The following XG variants were observed in gnomAD, a reference collection of about 807,000 sequenced individuals.
The protein encoded by XG is glycoprotein Xg.
Under a neutral mutation model 25.7 loss-of-function variants are expected in XG, and 24 were observed. The ratio of observed to expected loss-of-function variants is 0.93; its 90% CI spans 0.68 to 1.31. The LOEUF (loss-of-function observed/expected upper bound fraction) is 1.31, where lower values mean the gene tolerates loss of function less well. Among genes scored for constraint, XG ranks in the 40% most tolerant of loss-of-function variants. XG has a pLI of 0.00. For missense variants in XG, 181 were observed against 187.6 expected (o/e 0.96, Z 0.21); for synonymous variants, 77 against 69.2 (o/e 1.11, Z -0.56).
chrX:2,813,606 C>A (rs1324921919), intron 10 of XG, among the ~76,000 whole-genome samples: 1 of 112,350 alleles, frequency 8.9e-6, no homozygotes, highest in Non-Finnish European at 1.9e-5. Context: ...CCTGCTGAGG[C>A]CATACACTGA....
chrX:2,778,654 A>G (rs751424038), intron 3 of XG, among the ~76,000 whole-genome samples: 2 of 152,360 alleles, frequency 1.3e-5, no homozygotes, highest in South Asian at 4.1e-4. Context: ...GTGTCTTGGC[A>G]TATGAGAGAG....
At chrX:2,776,086 G>C (rs772083342) in intron 3 of XG, among the ~76,000 whole-genome samples, 1 of 152,132 alleles carries the variant, frequency 6.6e-6, no homozygotes, top group African/African-American at 2.4e-5. Context: ...TCAGGAGATC[G>C]AGACCATCCT....
rs773318046 is a variant in XG at position 2,795,174 on chromosome X, A to C, written c.322+571A>C. Among the ~76,000 whole-genome samples the C allele has an allele frequency of 9.4e-5, 10 of 106,938 alleles. No individual in the cohort carries two copies. In the South Asian group the frequency reaches 3.7e-3, roughly 39 times the overall value. 92.9% of individuals were successfully genotyped at this position (106,938 alleles called of 115,157 possible). ...CTTATATATATCTTTACATAGGTAC[A>C]TGTTTTATATGTGTATATATATCTT... On this transcript the variant is annotated intron_variant, in intron 6 of 10. Transcript: ENST00000644266.
intron 6 of XG, among the ~76,000 whole-genome samples, chrX:2,795,553 A>G (rs867585457): frequency 9.1e-6 from 1 of 109,681 alleles, no homozygotes. Context: ...ATGTGTATAT[A>G]CTTTTATATG....
At chrX:2,802,543 C>T (rs141741212) in intron 7 of XG, among the ~76,000 whole-genome samples, 1,225 of 110,541 alleles carry the variant, frequency 0.011, 20 homozygotes, top group Middle Eastern at 0.046. Context: ...GTAGGAGACC[C>T]GGGCGTGGGG....
In XG at chrX:2,794,463, C is replaced by A. The variant is rs2086864800; in HGVS notation, c.254-72C>A. 4.5e-6 allele frequency: 5 copies of A among 1,111,384 alleles called. No homozygotes were observed. The African/African-American group carries it at 5.4e-5, about 12-fold the overall frequency. 91.6% of individuals were successfully genotyped at this position (1,111,384 alleles called of 1,213,427 possible). A position where few individuals can be genotyped will look rare whatever the true frequency, so the allele number is the denominator to read the frequency against. ...TTCTCCAAAACCTGTGCCAGTGCCCCCAGCGCAGACCTGGTGTGAAGGGGA... is the reference window on the plus strand; with the variant it reads ...TTCTCCAAAACCTGTGCCAGTGCCCACAGCGCAGACCTGGTGTGAAGGGGA... On this transcript the variant is annotated intron_variant, in intron 5 of 10. Coordinates refer to ENST00000644266, the MANE Select transcript of XG (RefSeq NM_001141919.2).
At chrX:2,808,654 A>G (rs781714465) in intron 9 of XG, 122 of 557,005 alleles carry the variant, frequency 2.2e-4, no homozygotes, top group Non-Finnish European at 2.6e-4. Flanking sequence ...GGAGAACTTG[A>G]AGCCCAGAAG....
intron 7 of XG, among the ~76,000 whole-genome samples, chrX:2,804,540 G>A (rs1393201593): frequency 9.0e-6 from 1 of 111,266 alleles, no homozygotes; most frequent in African/African-American, 3.3e-5. Context: ...TATATAAAGC[G>A]AGCCGTCCCC....
Position 2,752,289 on chromosome X carries a change from G to C in XG, c.15G>C (p.Trp5Cys), listed in dbSNP as rs774301887. 6.2e-7 allele frequency: 1 copy of C among 1,613,818 alleles called. No homozygotes were observed. Among genetic ancestry groups the C allele is most frequent in the Non-Finnish European group, 8.5e-7 (1 of 1,179,840 alleles). The change falls in exon 1 of 11, where the codon TGG (tryptophan) becomes TGC (cysteine). Residue 5 changes from tryptophan (W) to cysteine (C), a missense_variant. Physicochemically the swap from Trp to Cys is radical, Grantham distance 215. Coordinates refer to ENST00000644266, the MANE Select transcript of XG (RefSeq NM_001141919.2). MESW[W>C]GLPCLAFLCF... ...TGAAGCAAACCATGGAGAGCTGGTG[G>C]GGACTTCCCTGTCTTGCGTTCCTGT... is the stretch of plus-strand genomic sequence containing the variant.
Position 2,816,237 on chromosome X carries a change from GAGA to G in XG, c.*1860_*1862del, listed in dbSNP as rs1486027728. The G allele has an allele frequency of 8.9e-6, 1 of 112,244 alleles. No homozygotes were observed. The highest frequency in any genetic ancestry group is 1.9e-5 in the Non-Finnish European group (1 of 53,279). The allele number at this position is 112,244 out of a possible 1,213,427, so 9.3% of individuals were successfully genotyped here. On this transcript the variant is annotated 3_prime_UTR_variant, in exon 11 of 11. Coordinates refer to ENST00000644266, the MANE Select transcript of XG (RefSeq NM_001141919.2). Reference sequence around the variant, plus strand: ...CTGCTGGGCATTCTGTTTTCATGCTGAGAAGGTGAGAATTGAACAGATGAGAAA... The same window carrying G: ...CTGCTGGGCATTCTGTTTTCATGCTGAGGTGAGAATTGAACAGATGAGAAA...
rs1569461061 is a variant in XG at position 2,770,560 on chromosome X, CTT to C, written c.74_75del (p.Phe25Ter). On this transcript the variant is annotated frameshift_variant, in exon 2 of 11. Transcript: ENST00000644266. LOFTEE classifies it high-confidence loss of function. Reference sequence around the variant, plus strand: ...GTTTGCTCCCAATAGGTCAAAGAGACTTTGATTTGGCAGATGCCCTTGATGAC... The same window carrying C: ...GTTTGCTCCCAATAGGTCAAAGAGACTGATTTGGCAGATGCCCTTGATGAC... ...FLMHARGQRDFDLADALDDPE... is the reference protein window; with the variant it reads ...FLMHARGQRDXDLADALDDPE... 3.1e-6 allele frequency: 5 copies of C among 1,613,932 alleles called. No homozygotes were observed. The highest frequency in any genetic ancestry group is 4.2e-6 in the Non-Finnish European group (5 of 1,179,866).
intron 9 of XG, chrX:2,808,556 C>T (rs2087025695): frequency 2.7e-6 from 2 of 751,558 alleles, no homozygotes; most frequent in Non-Finnish European, 1.6e-6. Context: ...ACTTGAAACC[C>T]AAGAAGGACA....
At chrX:2,811,611 T>G (rs945085432) in intron 10 of XG, among the ~76,000 whole-genome samples, 159 bp downstream of exon 10, 2 of 112,218 alleles carry the variant, frequency 1.8e-5, no homozygotes, top group African/African-American at 6.5e-5. Context: ...TTTTATTCTT[T>G]TTGAGACAGA....
chrX:2,770,678 G>C, intron 2 of XG, 87 bp downstream of exon 2: 1 of 1,529,136 alleles, frequency 6.5e-7, no homozygotes, highest in Non-Finnish European at 9.1e-7. Flanking sequence ...GGTTGGATTG[G>C]GCCAGTGTTG....
chrX:2,793,111 C>T (rs1436245069), intron 5 of XG, among the ~76,000 whole-genome samples: 1 of 109,914 alleles, frequency 9.1e-6, no homozygotes, highest in Non-Finnish European at 1.9e-5. Context: ...ACTATGTTGC[C>T]CAGACTGGTC....
At chrX:2,803,760 C>T (rs1262575737) in intron 7 of XG, among the ~76,000 whole-genome samples, 1 of 111,704 alleles carries the variant, frequency 9.0e-6, no homozygotes. Flanking sequence ...AGTGATGTTA[C>T]CCCCAGGAGC....
intron 9 of XG, among the ~76,000 whole-genome samples, chrX:2,809,554 G>A (rs926726455): frequency 8.9e-6 from 1 of 112,221 alleles, no homozygotes; most frequent in Non-Finnish European, 1.9e-5. Context: ...AGAGGAAAAG[G>A]TATGTATCAG....
chrX:2,789,665 C>A lies in XG; in HGVS notation c.212C>A (p.Pro71Gln). The A allele has an allele frequency of 8.6e-7, 1 of 1,169,423 alleles. No individual in the cohort carries two copies. The stretch of plus-strand genomic sequence containing the variant: ...ACAGATATCTACCCAAGGCCAAAGC[C>A]ACGCCCTCAACCCCAGCCTGGCAAT... Reference protein sequence around the residue: ...SGGNIYPRPKPRPQPQPGNSG... With the variant: ...SGGNIYPRPKQRPQPQPGNSG... The change falls in exon 5 of 11, where the codon CCA becomes CAA. Residue 71 changes from proline (P) to glutamine (Q), a missense_variant. Physicochemically the swap from Pro to Gln is moderately conservative, Grantham distance 76 (BLOSUM62 -1). Coordinates refer to ENST00000644266, the MANE Select transcript of XG (RefSeq NM_001141919.2).
chrX:2,796,344 T>C (rs2086886058), intron 6 of XG, among the ~76,000 whole-genome samples: 1 of 109,369 alleles, frequency 9.1e-6, no homozygotes, highest in Non-Finnish European at 1.9e-5. Context: ...TATATATGCA[T>C]ATATAGCTTA....
Sources: allele counts gnomAD v4.1 joint callset (sites outside exome capture counted in the v4.1 genomes callset), GRCh38; gene constraint gnomAD v4.1.1; transcripts MANE v1.5; gene names NCBI Gene and HGNC (gene_info 2026-07-23, HGNC 2026-07-21).